Variants in ACKR3 observed in about 807,000 individuals in gnomAD.
The protein encoded by ACKR3 is C-X-C chemokine receptor type 7.
In ACKR3, 6 loss-of-function variants were observed where a neutral mutation model predicts 22.4. The ratio of observed to expected loss-of-function variants is 0.27; its 90% CI spans 0.15 to 0.53. ACKR3 has a LOEUF of 0.53. ACKR3 is among the 20% of genes least tolerant of loss of function. The pLI, the probability that ACKR3 is intolerant of heterozygous loss-of-function variation, is 0.96. For synonymous variants in ACKR3, 209 were observed against 205.2 expected (o/e 1.02, Z -0.16); for missense variants, 396 against 475.2 (o/e 0.83, Z 1.55).
At chr2:236,552,623 T>C in the ACKR3 span, among the ~76,000 whole-genome samples, 3 of 152,220 alleles carry the variant, frequency 2.0e-5, no homozygotes, top group Non-Finnish European at 4.4e-5. Context: ...AAAATATAGA[T>C]GAACTATGAT....
upstream of ACKR3, among the ~76,000 whole-genome samples, chr2:236,568,405 C>T (rs1691233843): frequency 6.6e-6 from 1 of 152,208 alleles, no homozygotes; most frequent in Admixed American, 6.5e-5. Flanking sequence ...GAGGTCTCGC[C>T]TAGATCTTGG....
chr2:236,553,270 C>T, the ACKR3 span, among the ~76,000 whole-genome samples: 3 of 152,140 alleles, frequency 2.0e-5, no homozygotes, highest in Non-Finnish European at 2.9e-5. Context: ...TCCAGGCAGA[C>T]AGTAGGTGGA....
chr2:236,538,816 C>T, the ACKR3 span, among the ~76,000 whole-genome samples: 20 of 152,288 alleles, frequency 1.3e-4, no homozygotes, highest in Admixed American at 1.0e-3. Flanking sequence ...TCTGATATTG[C>T]TTGGGATATT....
rs1559474200 is a variant in ACKR3, at chr2:236,581,081, A to G, written c.616A>G (p.Lys206Glu). ...CRSFYPEHSI[K>E]EWLIGMELVS... ...GTCCTTCTACCCCGAGCACAGCATC[A>G]AGGAGTGGCTGATCGGCATGGAGCT... Residue 206 changes from lysine to glutamate, a missense_variant, in exon 2 of 2, where the codon AAG becomes GAG. Coordinates refer to ENST00000272928, the MANE Select transcript of ACKR3 (RefSeq NM_020311.3). The surrounding 1 kb of genome is among the most constrained non-coding windows in gnomAD (Gnocchi z 4.4). The G allele has an allele frequency of 1.2e-6, 2 of 1,614,200 alleles. No individual in the cohort carries two copies. Among genetic ancestry groups the G allele is most frequent in the East Asian group, 2.2e-5 (1 of 44,888 alleles).
At chr2:236,556,374 A>G in the ACKR3 span, among the ~76,000 whole-genome samples, 1 of 152,046 alleles carries the variant, frequency 6.6e-6, no homozygotes, top group African/African-American at 2.4e-5. Flanking sequence ...CGTCCCTTAT[A>G]TGGCAAAAGG....
In ACKR3 at chr2:236,580,882, C is replaced by G; in HGVS notation, c.417C>G (p.Ser139Arg). The G allele has an allele frequency of 6.2e-7, 1 of 1,614,220 alleles. No individual in the cohort carries two copies. Among genetic ancestry groups the G allele is most frequent in the Non-Finnish European group, 8.5e-7 (1 of 1,180,050 alleles). ...FGSIFFLTCM[S>R]VDRYLSITYF... is the part of the protein sequence containing the mutation. ...GCATTTTCTTCCTCACGTGCATGAG[C>G]GTGGACCGCTACCTCTCCATCACCT... The change falls in exon 2 of 2, where the codon AGC (serine) becomes AGG (arginine). Residue 139 changes from serine to arginine, a missense_variant. Ser to Arg is a moderately radical substitution (Grantham distance 110). Coordinates refer to ENST00000272928, the MANE Select transcript of ACKR3 (RefSeq NM_020311.3).
chr2:236,582,288 G>A lies in ACKR3; in HGVS notation c.*734G>A, dbSNP rs1691558433. 1 of 166,964 alleles carries A rather than the reference G, an allele frequency of 6.0e-6. No individual in the cohort carries two copies. Among genetic ancestry groups the A allele is most frequent in the African/African-American group, 2.4e-5 (1 of 41,410 alleles). 10.3% of individuals were successfully genotyped at this position (166,964 alleles called of 1,614,324 possible). On this transcript the variant is annotated 3_prime_UTR_variant, in exon 2 of 2. Transcript: ENST00000272928. ...AAATCTGCACACACAACGAACAGTT[G>A]CATTTCAGAGAGTTCTCTCAATTTG...
At chr2:236,549,651 A>G in the ACKR3 span, among the ~76,000 whole-genome samples, 1 of 152,200 alleles carries the variant, frequency 6.6e-6, no homozygotes. The surrounding 1 kb of genome is among the most constrained non-coding windows in gnomAD (Gnocchi z 5.3). Flanking sequence ...GTGTGAGAAC[A>G]GTAGTAGGAT....
chr2:236,574,814 C>T lies in ACKR3; in HGVS notation c.-27+4890C>T, dbSNP rs114747664. ...GTTGATGAATAAAACATCCCAGAAA[C>T]GAGAGGTGCATCTCCGAGAAAGTCC... On this transcript the variant is annotated intron_variant, in intron 1 of 1. Transcript: ENST00000272928. The surrounding 1 kb of genome is among the most constrained non-coding windows in gnomAD (Gnocchi z 5.6). 5.3e-3 allele frequency among the ~76,000 whole-genome samples: 804 copies of T among 152,248 alleles called. 11 individuals are homozygous for T. The highest frequency in any genetic ancestry group is 0.019 in the African/African-American group (769 of 41,534).
chr2:236,577,259 G>A lies in ACKR3; in HGVS notation c.-26-3181G>A, dbSNP rs1691430070. Among the ~76,000 whole-genome samples the A allele has an allele frequency of 6.6e-6, 1 of 152,248 alleles. No individual in the cohort carries two copies. Among genetic ancestry groups the A allele is most frequent in the Non-Finnish European group, 1.5e-5 (1 of 68,048 alleles). On this transcript the variant is annotated intron_variant, in intron 1 of 1. Transcript: ENST00000272928. This position sits in a 1 kb window ranked among gnomAD's most constrained non-coding sequence, Gnocchi z 5.6. ...ATGCCCTTGTTGGAAGTTTCCCACT[G>A]TGCCACCCGGGAGGGGAGAAGCAAG...
chr2:236,553,418 G>A, the ACKR3 span, among the ~76,000 whole-genome samples: 3 of 152,212 alleles, frequency 2.0e-5, no homozygotes, highest in Non-Finnish European at 4.4e-5. Flanking sequence ...AATTTTGCTT[G>A]AGGCAGAAAA....
At chr2:236,572,879 G>T (rs1052451966) in intron 1 of ACKR3, among the ~76,000 whole-genome samples, 2 of 152,246 alleles carry the variant, frequency 1.3e-5, no homozygotes, top group Non-Finnish European at 2.9e-5. Context: ...CTGGGAAGAG[G>T]TGGACTGTAT....
upstream of ACKR3, among the ~76,000 whole-genome samples, chr2:236,565,909 C>T (rs1691168789): frequency 6.6e-6 from 1 of 152,174 alleles, no homozygotes; most frequent in Non-Finnish European, 1.5e-5. Flanking sequence ...ATGACTCCTG[C>T]CATGCCCAGC....
At chr2:236,573,096 T>C (rs986662675) in intron 1 of ACKR3, among the ~76,000 whole-genome samples, 6 of 152,186 alleles carry the variant, frequency 3.9e-5, no homozygotes, top group Admixed American at 6.5e-5. Flanking sequence ...AGAGTCTGCC[T>C]GGGCCAAAGC....
chr2:236,538,242 A>G, the ACKR3 span, among the ~76,000 whole-genome samples: 23 of 152,352 alleles, frequency 1.5e-4, no homozygotes, highest in African/African-American at 4.6e-4. Context: ...ATTAACTGTT[A>G]TTGAGTGTGT....
chr2:236,541,930 G>A, the ACKR3 span, among the ~76,000 whole-genome samples: 1 of 151,396 alleles, frequency 6.6e-6, no homozygotes, highest in South Asian at 2.1e-4. Context: ...CAGCCATGTG[G>A]AACTGTGAGT....
chr2:236,572,642 G>A (rs911218318), intron 1 of ACKR3, among the ~76,000 whole-genome samples: 2 of 152,216 alleles, frequency 1.3e-5, no homozygotes, highest in African/African-American at 4.8e-5. Context: ...CTAGTCCTAA[G>A]CTGGGTGGGA....
the ACKR3 span, among the ~76,000 whole-genome samples, chr2:236,546,598 A>T: frequency 2.0e-5 from 3 of 152,152 alleles, no homozygotes; most frequent in South Asian, 2.1e-4. This position sits in a 1 kb window ranked among gnomAD's most constrained non-coding sequence, Gnocchi z 4.9. Flanking sequence ...AGACGTGACC[A>T]CCCTCCTGCC....
the ACKR3 span, among the ~76,000 whole-genome samples, chr2:236,548,090 T>G: frequency 6.6e-6 from 1 of 152,358 alleles, no homozygotes; most frequent in Non-Finnish European, 1.5e-5. The surrounding 1 kb of genome is among the most constrained non-coding windows in gnomAD (Gnocchi z 4.3). Context: ...CCCATGTCTA[T>G]GTTTTTTTCT....
Sources: gnomAD v4.1 joint callset for allele counts (sites outside exome capture counted in the v4.1 genomes callset) on GRCh38, gnomAD v4.1.1 for gene constraint, Gnocchi (gnomAD v3.1) non-coding constraint, MANE v1.5 for transcripts, NCBI Gene and HGNC (gene_info 2026-07-23, HGNC 2026-07-21) for gene names.